NBEA: variants seen among roughly 807,000 people sequenced by gnomAD.
The protein encoded by NBEA is neurobeachin, also known as lysosomal-trafficking regulator 2.
Under a neutral mutation model 343.4 loss-of-function variants are expected in NBEA, and 44 were observed. The observed-to-expected ratio is 0.13, with a 90% CI of 0.10 to 0.16. The LOEUF is 0.16. Ranked by LOEUF, NBEA falls within the 10% of genes least tolerant of loss-of-function variation. The pLI is 1.00. For synonymous variants in NBEA, 1,175 were observed against 1,238.7 expected (o/e 0.95, Z 1.08); for missense variants, 2,555 against 3,631.3 (o/e 0.70, Z 7.62).
intron 11 of NBEA, among the ~76,000 whole-genome samples, 166 bp from the exon 12 acceptor site, chr13:35,109,124 T>C (rs1336585122): frequency 1.3e-5 from 2 of 152,120 alleles, no homozygotes; most frequent in Non-Finnish European, 2.9e-5. Context: ...ATAGCTGAAA[T>C]TTTAGATCTC....
At chr13:35,308,502 A>ATATATATGTG (rs2037097955) in intron 35 of NBEA, among the ~76,000 whole-genome samples, 2 of 93,262 alleles carry the variant, frequency 2.1e-5, no homozygotes, top group Non-Finnish European at 2.1e-5. Context: ...ATATATGTGT[A>ATATATATGTG]TATATATATG....
At chr13:35,006,858 T>A (rs915635841) in intron 1 of NBEA, among the ~76,000 whole-genome samples, 1 of 152,212 alleles carries the variant, frequency 6.6e-6, no homozygotes, top group Non-Finnish European at 1.5e-5. Flanking sequence ...ATTCAAGGGA[T>A]TCTCCTGCCT....
intron 9 of NBEA, 140 bp from the exon 10 acceptor site, chr13:35,070,579 A>T: frequency 1.4e-6 from 1 of 735,312 alleles, no homozygotes; most frequent in African/African-American, 1.8e-5. Context: ...TTTGTCTTAT[A>T]TGTGTATAAA....
intron 34 of NBEA, among the ~76,000 whole-genome samples, chr13:35,253,804 G>C (rs74048959): frequency 6.6e-6 from 1 of 151,536 alleles, no homozygotes; most frequent in African/African-American, 2.4e-5. Context: ...GCTTACCCTT[G>C]ATCTATACTT....
chr13:35,454,962 A>T, intron 40 of NBEA, among the ~76,000 whole-genome samples: 1 of 152,116 alleles, frequency 6.6e-6, no homozygotes, highest in East Asian at 1.9e-4. Context: ...TTGCTATCTC[A>T]GAAATATTAT....
intron 1 of NBEA, among the ~76,000 whole-genome samples, chr13:35,040,458 A>T (rs1366661607): frequency 6.6e-6 from 1 of 151,462 alleles, no homozygotes; most frequent in East Asian, 1.9e-4. Context: ...AATATTTCTT[A>T]TAAGTTGTAT....
intron 35 of NBEA, among the ~76,000 whole-genome samples, chr13:35,297,144 A>G (rs541572348): frequency 5.3e-5 from 8 of 152,176 alleles, no homozygotes; most frequent in African/African-American, 1.9e-4. Flanking sequence ...ATTTGTATGT[A>G]TATGTAACTC....
chr13:35,339,790 C>T (rs907222233), intron 36 of NBEA, among the ~76,000 whole-genome samples: 1 of 151,954 alleles, frequency 6.6e-6, no homozygotes, highest in African/African-American at 2.4e-5. Context: ...TTCATGAGAT[C>T]TCACACTCTA....
intron 38 of NBEA, among the ~76,000 whole-genome samples, chr13:35,420,870 T>G (rs1389001878): frequency 6.6e-6 from 1 of 152,010 alleles, no homozygotes; most frequent in African/African-American, 2.4e-5. Context: ...TATTGGTAAT[T>G]TGTGTCTACT....
intron 1 of NBEA, among the ~76,000 whole-genome samples, chr13:34,957,885 T>C (rs1215629204): frequency 6.6e-6 from 1 of 152,164 alleles, no homozygotes; most frequent in Non-Finnish European, 1.5e-5. Flanking sequence ...TAGCTTTATT[T>C]GTCTCTTTGT....
At chr13:35,430,117 C>A (rs9530575) in intron 38 of NBEA, among the ~76,000 whole-genome samples, 19,958 of 151,894 alleles carry the variant, frequency 0.13, 1,408 homozygotes, top group East Asian at 0.25. Flanking sequence ...ACATCCACAC[C>A]AACATTTTTT....
intron 1 of NBEA, among the ~76,000 whole-genome samples, chr13:35,016,576 G>C (rs1284437313): frequency 3.2e-5 from 4 of 126,004 alleles, no homozygotes; most frequent in African/African-American, 1.2e-4. Flanking sequence ...CCGTCCTTCA[G>C]CTTGTATGTG....
intron 36 of NBEA, among the ~76,000 whole-genome samples, chr13:35,332,374 G>A (rs2038977887): frequency 6.6e-6 from 1 of 152,008 alleles, no homozygotes; most frequent in African/African-American, 2.4e-5. Context: ...ACTCATTAAA[G>A]GAAATACAAG....
At position 34,983,460 on chromosome 13, in the gene NBEA, T is replaced by C. The variant is rs575816954; in HGVS notation, c.294+40346T>C. On this transcript the variant is annotated intron_variant, in intron 1 of 58. Transcript: ENST00000379939. ...TGGGTTGGTTCTAAGTCTTTGCTAT[T>C]GTGAATAGTGCCACAATAAACATGT... 2.8e-3 allele frequency among the ~76,000 whole-genome samples: 423 copies of C among 152,314 alleles called. 2 individuals are homozygous for C. Among genetic ancestry groups the C allele is most frequent in the African/African-American group, 8.7e-3 (361 of 41,574 alleles).
chr13:35,432,238 T>A lies in NBEA; in HGVS notation c.6180-31T>A, dbSNP rs180918661. On this transcript the variant is annotated intron_variant, in intron 38 of 58. Coordinates refer to ENST00000379939, the MANE Select transcript of NBEA (RefSeq NM_001385012.1). ...ATTTCCAGCTATGCATTGTTATTAA[T>A]AGGGATTACTTTTTTTCCCTCTACT... The A allele has an allele frequency of 6.6e-5, 103 of 1,556,830 alleles. No homozygotes were observed. In the African/African-American group the frequency reaches 1.2e-3, roughly 18 times the overall value.
intron 18 of NBEA, among the ~76,000 whole-genome samples, chr13:35,149,637 AT>A (rs1257250692): frequency 2.6e-5 from 4 of 152,048 alleles, no homozygotes; most frequent in Non-Finnish European, 5.9e-5. Context: ...TTATGTTTTG[AT>A]TTTTTGGACC....
chr13:35,124,773 CATATATGGATATATACACACAT>C (rs1184487154), intron 17 of NBEA, among the ~76,000 whole-genome samples: 3 of 149,264 alleles, frequency 2.0e-5, no homozygotes, highest in Non-Finnish European at 4.4e-5. Flanking sequence ...TATATACACA[CATATATGGATATATACACACAT>C]ATATGGATAT....
chr13:35,525,583 TA>T lies in NBEA; in HGVS notation c.6586-24888del. Reference sequence around the variant, plus strand: ...AATAAATAAATAAATAAATAACAAATAAAAAACAAAAAAACTTGAGAAAACA... The same window carrying T: ...AATAAATAAATAAATAAATAACAAATAAAAACAAAAAAACTTGAGAAAACA... On this transcript the variant is annotated intron_variant, in intron 41 of 58. Coordinates refer to ENST00000379939, the MANE Select transcript of NBEA (RefSeq NM_001385012.1). Among the ~76,000 whole-genome samples the T allele has an allele frequency of 2.0e-5, 3 of 151,434 alleles. No individual in the cohort carries two copies. The East Asian group carries it at 5.8e-4, about 29-fold the overall frequency.
Position 35,318,652 on chromosome 13 carries a change from T to C in NBEA, c.5903+9060T>C, listed in dbSNP as rs1157504780. On this transcript the variant is annotated intron_variant, in intron 36 of 58. Coordinates refer to ENST00000379939, the MANE Select transcript of NBEA (RefSeq NM_001385012.1). ...GGGAGGAGTCCCTCTTTTTCTACTG[T>C]TTGGAATAGTTTCAGAAGGAATGGT... Among the ~76,000 whole-genome samples, 5 of 152,244 alleles carry C rather than the reference T, an allele frequency of 3.3e-5. No individual in the cohort carries two copies. The East Asian group carries it at 9.7e-4, about 29-fold the overall frequency.
Sources: gnomAD v4.1 joint callset for allele counts (sites outside exome capture counted in the v4.1 genomes callset) on GRCh38, gnomAD v4.1.1 for gene constraint, MANE v1.5 for transcripts, NCBI Gene and HGNC (gene_info 2026-07-23, HGNC 2026-07-21) for gene names.